Variants in OPA1 observed in about 807,000 individuals in gnomAD.
The protein encoded by OPA1 is dynamin-like GTPase OPA1, mitochondrial.
A neutral mutation model predicts 152.9 loss-of-function variants in OPA1; 59 were observed. That is an observed-to-expected ratio of 0.39 (90% CI 0.31 to 0.48). OPA1 has a LOEUF of 0.48. Ranked by LOEUF, OPA1 falls within the 20% of genes least tolerant of loss-of-function variation. The pLI is 0.96. For synonymous variants in OPA1, 400 were observed against 389.9 expected (o/e 1.03, Z -0.31); for missense variants, 1,008 against 1,216.8 (o/e 0.83, Z 2.55).
At chr3:193,634,571 C>T (rs112423602) in intron 8 of OPA1, among the ~76,000 whole-genome samples, 3,724 of 152,066 alleles carry the variant, frequency 0.024, 164 homozygotes, top group African/African-American at 0.085. Flanking sequence ...GTGCCCGCCA[C>T]GACGCCTGGC....
At chr3:193,681,148 A>C (rs999572065) in intron 29 of OPA1, among the ~76,000 whole-genome samples, 2 of 152,202 alleles carry the variant, frequency 1.3e-5, no homozygotes, top group African/African-American at 4.8e-5. Context: ...AATAAAAATA[A>C]TTTACTTTTT....
intron 29 of OPA1, among the ~76,000 whole-genome samples, chr3:193,687,641 G>A (rs891705503): frequency 2.0e-5 from 3 of 152,162 alleles, no homozygotes; most frequent in Non-Finnish European, 4.4e-5. Flanking sequence ...TTAATCTGAA[G>A]GATCGGAAAG....
chr3:193,693,585 A>G (rs1373381107), intron 30 of OPA1, among the ~76,000 whole-genome samples: 1 of 152,220 alleles, frequency 6.6e-6, no homozygotes, highest in Non-Finnish European at 1.5e-5. Flanking sequence ...GGTTGCAGTA[A>G]GCAGAAATCG....
In OPA1 at chr3:193,606,330, A is replaced by G. The variant is rs201584096; in HGVS notation, c.33-8393A>G. 8.3e-4 allele frequency among the ~76,000 whole-genome samples: 126 copies of G among 152,158 alleles called. 2 individuals are homozygous for G. The East Asian group carries it at 0.023, about 27-fold the overall frequency. On this transcript the variant is annotated intron_variant, in intron 1 of 30. Transcript: ENST00000361510. ...TGTGCACAACGTGCAGGTTTGTTAC[A>G]TATGTATACATGTGCCATGTTGGTG...
At chr3:193,671,073 T>C (rs1353665214) in intron 29 of OPA1, among the ~76,000 whole-genome samples, 2 of 152,182 alleles carry the variant, frequency 1.3e-5, no homozygotes, top group Non-Finnish European at 2.9e-5. Flanking sequence ...TTGGTAATTA[T>C]ATAAATAAGG....
rs762414650 is a variant in OPA1 at position 193,648,173 on chromosome 3, A to C, written c.1935+39A>C. The C allele has an allele frequency of 2.0e-6, 3 of 1,476,150 alleles. No homozygotes were observed. In the South Asian group the frequency reaches 3.4e-5, roughly 17 times the overall value. 91.4% of individuals were successfully genotyped at this position (1,476,150 alleles called of 1,614,324 possible). A position where few individuals can be genotyped will look rare whatever the true frequency, so the allele number is the denominator to read the frequency against. Reference sequence around the variant, plus strand: ...ACTCGTGTATTTTGTATATATCTTAATTTAATGTTGTTTGCTAACTAAATT... The same window carrying C: ...ACTCGTGTATTTTGTATATATCTTACTTTAATGTTGTTTGCTAACTAAATT... On this transcript the variant is annotated intron_variant, in intron 20 of 30. Coordinates refer to ENST00000361510, the MANE Select transcript of OPA1 (RefSeq NM_130837.3).
intron 29 of OPA1, among the ~76,000 whole-genome samples, chr3:193,670,690 A>G (rs1169874328): frequency 6.6e-6 from 1 of 152,276 alleles, no homozygotes; most frequent in African/African-American, 2.4e-5. Context: ...AGATGAGTAC[A>G]TAAGTAGTAG....
intron 1 of OPA1, among the ~76,000 whole-genome samples, chr3:193,611,804 A>G (rs1353435275): frequency 6.6e-6 from 1 of 151,894 alleles, no homozygotes; most frequent in Non-Finnish European, 1.5e-5. Flanking sequence ...AAATATTTCT[A>G]AGCGACTTCT....
intron 11 of OPA1, among the ~76,000 whole-genome samples, chr3:193,639,197 C>G (rs1356707451): frequency 6.6e-6 from 1 of 152,104 alleles, no homozygotes; most frequent in African/African-American, 2.4e-5. Flanking sequence ...GTACCAGTAG[C>G]ATTCTAGGCA....
intron 1 of OPA1, among the ~76,000 whole-genome samples, chr3:193,613,555 CTTCT>C (rs751018902): frequency 9.9e-5 from 15 of 151,738 alleles, no homozygotes; most frequent in Non-Finnish European, 1.8e-4. Flanking sequence ...CCTCCTCCTC[CTTCT>C]TTGTTTTTTT....
chr3:193,615,233 T>C (rs1209537565), intron 2 of OPA1, among the ~76,000 whole-genome samples, 192 bp downstream of exon 2: 1 of 152,148 alleles, frequency 6.6e-6, no homozygotes, highest in African/African-American at 2.4e-5. Flanking sequence ...TTACAGGAAA[T>C]TAAAATGGCC....
Position 193,648,076 on chromosome 3 carries a change from G to A in OPA1, c.1877G>A (p.Arg626His), listed in dbSNP as rs140606054. 136 of 1,612,990 alleles carry A rather than the reference G, an allele frequency of 8.4e-5. No homozygotes were observed. The highest frequency in any genetic ancestry group is 1.1e-4 in the Non-Finnish European group (131 of 1,179,156). ...ACTTTTCCTTCTTCCTCAGCAACACGTTTTAACCTTGAAACTGAATGGAAG... is the reference window on the plus strand; with the variant it reads ...ACTTTTCCTTCTTCCTCAGCAACACATTTTAACCTTGAAACTGAATGGAAG... ...EQQADSFKAT[R>H]FNLETEWKNN... is the part of the protein sequence containing the mutation. Residue 626 changes from arginine (R) to histidine (H), a missense_variant, in exon 20 of 31, where the codon CGT becomes CAT. Arg to His is a conservative substitution (Grantham distance 29). Around this residue, in one of 7 missense-constraint regions of OPA1, gnomAD observed 10 missense variants for 35.8 expected, o/e 0.28. Coordinates refer to ENST00000361510, the MANE Select transcript of OPA1 (RefSeq NM_130837.3).
intron 29 of OPA1, among the ~76,000 whole-genome samples, chr3:193,676,694 G>A (rs1008098494): frequency 2.6e-5 from 4 of 152,076 alleles, no homozygotes; most frequent in East Asian, 1.9e-4. Flanking sequence ...AAAAGTCACC[G>A]TTGTGGCCGG....
chr3:193,602,367 C>T (rs2108800784), intron 1 of OPA1, among the ~76,000 whole-genome samples: 1 of 152,242 alleles, frequency 6.6e-6, no homozygotes, highest in Admixed American at 6.5e-5. Flanking sequence ...TCCGGAAGGC[C>T]CAGTCTCCAA....
intron 1 of OPA1, among the ~76,000 whole-genome samples, chr3:193,612,038 C>T (rs1728329359): frequency 6.6e-6 from 1 of 152,144 alleles, no homozygotes; most frequent in Admixed American, 6.5e-5. Context: ...TTCTGAGCTT[C>T]ACCAGCCCCC....
intron 25 of OPA1, among the ~76,000 whole-genome samples, 160 bp from the exon 26 acceptor site, chr3:193,662,661 GC>G (rs200265339): frequency 8.2e-6 from 1 of 122,432 alleles, no homozygotes; most frequent in African/African-American, 2.9e-5. Context: ...ATATTCATAA[GC>G]CGGGGTGCTG....
chr3:193,680,775 A>G (rs1289846734), intron 29 of OPA1, among the ~76,000 whole-genome samples: 4 of 152,196 alleles, frequency 2.6e-5, no homozygotes, highest in Admixed American at 6.5e-5. Flanking sequence ...CCTAAATCAT[A>G]TTTTTTAAAA....
intron 7 of OPA1, among the ~76,000 whole-genome samples, chr3:193,626,943 C>A (rs76386082): frequency 0.024 from 3,692 of 152,110 alleles, 164 homozygotes; most frequent in African/African-American, 0.085. Flanking sequence ...AACGGAGATC[C>A]CAAAGTTCAT....
chr3:193,688,705 T>A (rs1370257905), intron 29 of OPA1, among the ~76,000 whole-genome samples: 2 of 151,946 alleles, frequency 1.3e-5, no homozygotes, highest in African/African-American at 4.8e-5. Context: ...GCAGACTGGG[T>A]GTAGTAGCTC....
Sources: gnomAD v4.1 joint callset for allele counts (sites outside exome capture counted in the v4.1 genomes callset) on GRCh38, gnomAD v4.1.1 for gene constraint, gnomAD v4.1.1 regional missense constraint, MANE v1.5 for transcripts, NCBI Gene and HGNC (gene_info 2026-07-23, HGNC 2026-07-21) for gene names.